CPNE4: variants seen among roughly 807,000 people sequenced by gnomAD.
CPNE4 encodes the protein copine-4.
In CPNE4, 25 loss-of-function variants were observed where a neutral mutation model predicts 67.9. The observed-to-expected ratio is 0.37, with a 90% CI of 0.27 to 0.51. The LOEUF is 0.51. CPNE4 is among the 20% of genes least tolerant of loss of function. The pLI, the probability that CPNE4 is intolerant of heterozygous loss-of-function variation, is 0.93. For synonymous variants in CPNE4, 242 were observed against 244.9 expected, an observed-to-expected ratio of 0.99 and a Z score of 0.11; for missense variants, 464 against 690.8, an observed-to-expected ratio of 0.67 and a Z score of 3.68.
At chr3:131,929,774 A>G (rs1560618966) in intron 1 of CPNE4, among the ~76,000 whole-genome samples, 1 of 152,168 alleles carries the variant, frequency 6.6e-6, no homozygotes, top group Non-Finnish European at 1.5e-5. Context: ...TACCCCTGTC[A>G]GGGGTTTTTA....
intron 7 of CPNE4, among the ~76,000 whole-genome samples, chr3:131,641,724 C>T (rs570921998): frequency 6.6e-6 from 1 of 152,246 alleles, no homozygotes; most frequent in African/African-American, 2.4e-5. Flanking sequence ...TTTGTAGCAG[C>T]ACAATTCGCA....
intron 1 of CPNE4, among the ~76,000 whole-genome samples, chr3:131,930,679 C>A (rs1483297326): frequency 5.3e-5 from 8 of 152,100 alleles, no homozygotes; most frequent in Non-Finnish European, 1.0e-4. Flanking sequence ...AATAGTAACT[C>A]CCTTCCTTGT....
chr3:131,798,837 T>C (rs2083993290), intron 2 of CPNE4, among the ~76,000 whole-genome samples: 1 of 152,144 alleles, frequency 6.6e-6, no homozygotes, highest in Non-Finnish European at 1.5e-5. Context: ...TTACTGCAAA[T>C]GCCATCCATA....
intron 2 of CPNE4, among the ~76,000 whole-genome samples, chr3:131,818,196 T>A (rs1468648207): frequency 6.6e-6 from 1 of 152,178 alleles, no homozygotes; most frequent in Admixed American, 6.5e-5. Context: ...GTTGAGTATA[T>A]AAAAACACCA....
intron 2 of CPNE4, among the ~76,000 whole-genome samples, chr3:131,879,441 A>T (rs987792590): frequency 6.6e-6 from 1 of 152,168 alleles, no homozygotes; most frequent in Non-Finnish European, 1.5e-5. Context: ...TTAATGGGAA[A>T]ATGCTGGCAC....
intron 2 of CPNE4, among the ~76,000 whole-genome samples, chr3:131,734,173 C>T (rs551934707): frequency 6.6e-6 from 1 of 152,294 alleles, no homozygotes; most frequent in African/African-American, 2.4e-5. Flanking sequence ...TCTCCAAATG[C>T]CACTGGTTAG....
intron 2 of CPNE4, among the ~76,000 whole-genome samples, chr3:131,761,719 T>G (rs1035577729): frequency 6.6e-6 from 1 of 152,120 alleles, no homozygotes; most frequent in Non-Finnish European, 1.5e-5. Flanking sequence ...TTTGCTTCTC[T>G]TGGGACCCTA....
intron 12 of CPNE4, among the ~76,000 whole-genome samples, chr3:131,554,008 GATTA>G (rs1396077453): frequency 6.6e-6 from 1 of 152,052 alleles, no homozygotes; most frequent in Non-Finnish European, 1.5e-5. Context: ...CAGCAAGAAA[GATTA>G]GTTACTCCAG....
chr3:131,743,608 C>T (rs2082406397), intron 2 of CPNE4, among the ~76,000 whole-genome samples: 1 of 151,980 alleles, frequency 6.6e-6, no homozygotes, highest in Non-Finnish European at 1.5e-5. Flanking sequence ...AGTTAAATAT[C>T]AGGAAATTCA....
intron 10 of CPNE4, among the ~76,000 whole-genome samples, chr3:131,565,091 A>G (rs76863914): frequency 0.023 from 3,463 of 152,098 alleles, 62 homozygotes; most frequent in East Asian, 0.062. Flanking sequence ...GTCACTGAAC[A>G]CTTCTTAATA....
In CPNE4 at chr3:131,939,711, C is replaced by T. The variant is rs567600663; in HGVS notation, c.-1-34267G>A. On this transcript the variant is annotated intron_variant, in intron 1 of 15. Coordinates refer to ENST00000429747, the MANE Select transcript of CPNE4 (RefSeq NM_130808.3). ...TGACAGCACTTACAAAGCACTTACT[C>T]GGTGTCAGGCACAGTTCTAAACACT... Among the ~76,000 whole-genome samples the T allele has an allele frequency of 2.9e-4, 44 of 152,214 alleles. No individual in the cohort carries two copies. The South Asian group carries it at 6.8e-3, about 24-fold the overall frequency.
At chr3:131,840,681 C>T (rs1447665248) in intron 2 of CPNE4, among the ~76,000 whole-genome samples, 1 of 152,060 alleles carries the variant, frequency 6.6e-6, no homozygotes. Flanking sequence ...GTTGTATGTC[C>T]CCATATCCCC....
chr3:131,867,675 G>C (rs187571679), intron 2 of CPNE4, among the ~76,000 whole-genome samples: 1 of 152,234 alleles, frequency 6.6e-6, no homozygotes, highest in East Asian at 1.9e-4. Flanking sequence ...GAGGGAGGTA[G>C]GGCACATGCA....
chr3:131,856,975 T>C (rs2086470874), intron 2 of CPNE4, among the ~76,000 whole-genome samples: 1 of 151,274 alleles, frequency 6.6e-6, no homozygotes, highest in African/African-American at 2.5e-5. Flanking sequence ...AATAAGAGGA[T>C]ATATTTTTAT....
chr3:131,947,579 T>C (rs1424809719), intron 1 of CPNE4, among the ~76,000 whole-genome samples: 1 of 152,248 alleles, frequency 6.6e-6, no homozygotes, highest in Non-Finnish European at 1.5e-5. Context: ...TTATTTTTTA[T>C]GGCTGCATAG....
chr3:131,708,332 G>A (rs1431590134), intron 3 of CPNE4, among the ~76,000 whole-genome samples: 1 of 152,164 alleles, frequency 6.6e-6, no homozygotes, highest in Non-Finnish European at 1.5e-5. Flanking sequence ...AAGAGGAGAT[G>A]AAGAGCTTTG....
chr3:131,814,267 C>G (rs985172421), intron 2 of CPNE4, among the ~76,000 whole-genome samples: 3 of 152,118 alleles, frequency 2.0e-5, no homozygotes, highest in African/African-American at 7.2e-5. Context: ...ATAAGAGTTT[C>G]TCTTCATTGT....
At chr3:131,838,058 C>G (rs979653650) in intron 2 of CPNE4, among the ~76,000 whole-genome samples, 2 of 151,846 alleles carry the variant, frequency 1.3e-5, no homozygotes, top group African/African-American at 4.8e-5. Context: ...TGTTCCCATC[C>G]TCAGCTTTAG....
chr3:131,593,945 C>T lies in CPNE4; in HGVS notation c.682-6363G>A, dbSNP rs541864220. Among the ~76,000 whole-genome samples, 3 of 152,180 alleles carry T rather than the reference C, an allele frequency of 2.0e-5. No individual in the cohort carries two copies. In the South Asian group the frequency reaches 6.2e-4, roughly 32 times the overall value. On this transcript the variant is annotated intron_variant, in intron 7 of 15. Coordinates refer to ENST00000429747, the MANE Select transcript of CPNE4 (RefSeq NM_130808.3). ...ATGTTGGCCAGGATGGTCTCAATCT[C>T]TTGACCTCGTAATCTGCCTGCCTCG... is the stretch of plus-strand genomic sequence containing the variant.
Sources: allele counts gnomAD v4.1 joint callset (sites outside exome capture counted in the v4.1 genomes callset), GRCh38; gene constraint gnomAD v4.1.1; transcripts MANE v1.5; gene names NCBI Gene and HGNC (gene_info 2026-07-23, HGNC 2026-07-21).